SYNM: variants seen among roughly 807,000 people sequenced by gnomAD.
SYNM encodes synemin.
SYNM carries 95 observed loss-of-function variants against 104.0 expected under a neutral mutation model. The ratio of observed to expected loss-of-function variants is 0.91; its 90% confidence interval spans 0.77 to 1.08. SYNM has a LOEUF of 1.08. Among genes scored for constraint, SYNM ranks in the 50% least tolerant of loss-of-function variants. The pLI is 0.00. For missense variants in SYNM, 2,150 were observed against 2,052.2 expected (o/e 1.05, Z -0.92); for synonymous variants, 918 against 869.0 (o/e 1.06, Z -0.99).
chr15:99,131,248 G>T lies in SYNM; in HGVS notation c.2888G>T (p.Arg963Leu). The change falls in exon 4 of 4, where the codon CGC becomes CTC. Residue 963 changes from arginine (R) to leucine (L), a missense_variant. Transcript: ENST00000336292. The surrounding 1 kb of genome is among the most constrained non-coding windows in gnomAD (Gnocchi z 4.3). ...IGQLEETLPE[R>L]MREELSALTR... is the part of the protein sequence containing the mutation. ...CAGCTGGAGGAAACCCTTCCCGAGCGCATGAGGGAGGAGCTGTCCGCCCTC... is the reference window on the plus strand; with the variant it reads ...CAGCTGGAGGAAACCCTTCCCGAGCTCATGAGGGAGGAGCTGTCCGCCCTC... 6.2e-7 allele frequency: 1 copy of T among 1,609,612 alleles called. No homozygotes were observed. Among genetic ancestry groups the T allele is most frequent in the Non-Finnish European group, 8.5e-7 (1 of 1,178,240 alleles).
chr15:99,138,949 A>G (rs2067882125), downstream of SYNM, among the ~76,000 whole-genome samples: 1 of 152,192 alleles, frequency 6.6e-6, no homozygotes, highest in Non-Finnish European at 1.5e-5. Context: ...TCAGTCAGTG[A>G]ACCTTCCGGC....
chr15:99,113,860 A>G, intron 2 of SYNM, 145 bp downstream of exon 2: 2 of 1,265,578 alleles, frequency 1.6e-6, no homozygotes, highest in Non-Finnish European at 2.1e-6. Flanking sequence ...TGGCCAGGCA[A>G]GGAGTCCGAG....
chr15:99,127,866 G>A (rs2067461707), intron 3 of SYNM, among the ~76,000 whole-genome samples: 1 of 152,270 alleles, frequency 6.6e-6, no homozygotes, highest in East Asian at 1.9e-4. Flanking sequence ...AGAGAGGGGA[G>A]AAGGAAGAAA....
chr15:99,139,360 T>A, downstream of SYNM: 1 of 1,614,076 alleles, frequency 6.2e-7, no homozygotes. Flanking sequence ...AGAGTCCTTT[T>A]GTCCTGCGGT....
chr15:99,137,215 A>G (rs71403426), downstream of SYNM: 12,109 of 152,388 alleles, frequency 0.079, 515 homozygotes, highest in Admixed American at 0.12. Context: ...TCACACGACT[A>G]TGGCCTCCTT....
At chr15:99,139,551 C>T (rs1555489171), downstream of SYNM, 1 of 1,546,760 alleles carries the variant, frequency 6.5e-7, no homozygotes, top group Non-Finnish European at 8.7e-7. Context: ...TAGTGACTGA[C>T]CTTTGGTTTG....
At chr15:99,139,336 C>T, downstream of SYNM, 1 of 1,613,474 alleles carries the variant, frequency 6.2e-7, no homozygotes, top group Non-Finnish European at 8.5e-7. Context: ...ATGCCCATGG[C>T]CTGCTGGGTG....
chr15:99,124,543 T>C (rs1294705435), intron 2 of SYNM, among the ~76,000 whole-genome samples: 1 of 152,214 alleles, frequency 6.6e-6, no homozygotes, highest in East Asian at 1.9e-4. Context: ...AGGGCCATTT[T>C]GGATGAAATC....
rs1325093934 is a variant in SYNM, at chr15:99,105,380, G to T, written c.181G>T (p.Ala61Ser). ...GTGGGCCGAGGGGCAGGCCCGCTGCGCCGAGGAGGCGCGCAGCTTGCGGCA... is the reference window on the plus strand; with the variant it reads ...GTGGGCCGAGGGGCAGGCCCGCTGCTCCGAGGAGGCGCGCAGCTTGCGGCA... The part of the protein sequence containing the change: ...GLWAEGQARC[A>S]EEARSLRQQL... Residue 61 changes from alanine to serine, a missense_variant, in exon 1 of 4, where the codon GCC becomes TCC. Ala to Ser is a moderately conservative substitution (Grantham distance 99). Transcript: ENST00000336292. The T allele has an allele frequency of 7.9e-6, 12 of 1,518,388 alleles. No homozygotes were observed. Among genetic ancestry groups the T allele is most frequent in the Admixed American group, 2.0e-5 (1 of 49,074 alleles). 94.1% of individuals were successfully genotyped at this position (1,518,388 alleles called of 1,614,324 possible). A position where few individuals can be genotyped will look rare whatever the true frequency, so the allele number is the denominator to read the frequency against.
At chr15:99,126,626 C>T in intron 2 of SYNM, 96 bp from the exon 3 acceptor site, 1 of 1,203,116 alleles carries the variant, frequency 8.3e-7, no homozygotes, top group Non-Finnish European at 1.2e-6. Context: ...ACAGGTGACA[C>T]TATGGTCATT....
rs940468309 is a variant in SYNM at position 99,130,795 on chromosome 15, C to T, written c.2435C>T (p.Thr812Met). The T allele has an allele frequency of 7.4e-6, 12 of 1,613,932 alleles. No individual in the cohort carries two copies. Among genetic ancestry groups the T allele is most frequent in the South Asian group, 1.1e-5 (1 of 91,070 alleles). The change falls in exon 4 of 4, where the codon ACG (threonine) becomes ATG (methionine). Residue 812 changes from threonine (T) to methionine (M), a missense_variant. Coordinates refer to ENST00000336292, the MANE Select transcript of SYNM (RefSeq NM_145728.3). Reference protein sequence around the residue: ...HRRTKQPQENTTHVEEVTEAG... With the variant: ...HRRTKQPQENMTHVEEVTEAG... Reference sequence around the variant, plus strand: ...AGGACCAAGCAGCCTCAGGAGAACACGACTCACGTGGAAGAAGTGACAGAG... The same window carrying T: ...AGGACCAAGCAGCCTCAGGAGAACATGACTCACGTGGAAGAAGTGACAGAG...
chr15:99,130,724 A>G lies in SYNM; in HGVS notation c.2364A>G (p.Glu788=). The change falls in exon 4 of 4, where the codon GAA becomes GAG. Residue 788 remains glutamate, a synonymous_variant. Coordinates refer to ENST00000336292, the MANE Select transcript of SYNM (RefSeq NM_145728.3). Reference sequence around the variant, plus strand: ...CCTGGGGGTTGGTTAAGGAGGAGGAAGGTTATGGAGAAAGCGATGTCACAT... The same window carrying G: ...CCTGGGGGTTGGTTAAGGAGGAGGAGGGTTATGGAGAAAGCGATGTCACAT... ...PGPWGLVKEE[E]GYGESDVTFS... 6.2e-7 allele frequency: 1 copy of G among 1,613,820 alleles called. No homozygotes were observed. The highest frequency in any genetic ancestry group is 1.3e-5 in the African/African-American group (1 of 74,982).
At chr15:99,107,125 A>G (rs72756816) in intron 1 of SYNM, among the ~76,000 whole-genome samples, 2 of 152,234 alleles carry the variant, frequency 1.3e-5, no homozygotes, top group African/African-American at 4.8e-5. Flanking sequence ...CATAGAATGC[A>G]ATATGGTACT....
chr15:99,137,096 A>G (rs1354216137), downstream of SYNM: 4 of 152,282 alleles, frequency 2.6e-5, no homozygotes, highest in East Asian at 7.7e-4. Context: ...CACTGCCCAC[A>G]CCTGCACCCC....
intron 2 of SYNM, among the ~76,000 whole-genome samples, chr15:99,125,225 C>T (rs1372916634): frequency 1.3e-5 from 2 of 152,226 alleles, no homozygotes; most frequent in Non-Finnish European, 2.9e-5. Context: ...TGCAGGACGC[C>T]ACCCCTTCTG....
At chr15:99,127,805 A>G (rs1245129328) in intron 3 of SYNM, among the ~76,000 whole-genome samples, 2 of 152,220 alleles carry the variant, frequency 1.3e-5, no homozygotes, top group African/African-American at 2.4e-5. Flanking sequence ...TTAGTTACCT[A>G]CATTTTTAAC....
chr15:99,132,073 G>A lies in SYNM; in HGVS notation c.3713G>A (p.Gly1238Asp). 1 of 1,613,918 alleles carries A rather than the reference G, an allele frequency of 6.2e-7. No homozygotes were observed. Among genetic ancestry groups the A allele is most frequent in the Admixed American group, 1.7e-5 (1 of 60,036 alleles). ...FHAEKEIIFQGPISAAGKVGD... is the reference protein window; with the variant it reads ...FHAEKEIIFQDPISAAGKVGD... Reference sequence around the variant, plus strand: ...GCTGAAAAGGAGATTATTTTTCAGGGCCCCATTTCTGCTGCAGGGAAGGTT... The same window carrying A: ...GCTGAAAAGGAGATTATTTTTCAGGACCCCATTTCTGCTGCAGGGAAGGTT... Residue 1238 changes from glycine (G) to aspartate (D), a missense_variant, in exon 4 of 4, where the codon GGC becomes GAC. Physicochemically the swap from Gly to Asp is moderately conservative, Grantham distance 94. Transcript: ENST00000336292.
chr15:99,120,464 C>A (rs1555484415), intron 2 of SYNM, among the ~76,000 whole-genome samples: 1 of 152,206 alleles, frequency 6.6e-6, no homozygotes, highest in Admixed American at 6.5e-5. Flanking sequence ...TATGACAGTG[C>A]CCGTCTCTGG....
At position 99,105,390 on chromosome 15, in the gene SYNM, C is replaced by T; in HGVS notation, c.191C>T (p.Ala64Val). The T allele has an allele frequency of 1.3e-6, 2 of 1,512,410 alleles. No individual in the cohort carries two copies. The allele number at this position is 1,512,410 out of a possible 1,614,324, so 93.7% of individuals were successfully genotyped here. A position where few individuals can be genotyped will look rare whatever the true frequency, so the allele number is the denominator to read the frequency against. The stretch of plus-strand genomic sequence containing the variant: ...GGGCAGGCCCGCTGCGCCGAGGAGG[C>T]GCGCAGCTTGCGGCAGCAGCTGGAC... ...AEGQARCAEE[A>V]RSLRQQLDEL... is the part of the protein sequence containing the mutation. Residue 64 changes from alanine to valine, a missense_variant, in exon 1 of 4, where the codon GCG becomes GTG. Ala to Val is a moderately conservative substitution (Grantham distance 64). Transcript: ENST00000336292.
Sources: allele counts gnomAD v4.1 joint callset (sites outside exome capture counted in the v4.1 genomes callset), GRCh38; gene constraint gnomAD v4.1.1; non-coding constraint Gnocchi (gnomAD v3.1); transcripts MANE v1.5; gene names NCBI Gene and HGNC (gene_info 2026-07-23, HGNC 2026-07-21).